The following MMUT variants were observed in gnomAD, a reference collection of about 807,000 sequenced individuals.
MMUT encodes the protein methylmalonyl-CoA mutase, mitochondrial.
In MMUT, 79 loss-of-function variants were observed where a neutral mutation model predicts 79.9. The ratio of observed to expected loss-of-function variants is 0.99; its 90% CI spans 0.82 to 1.19. The LOEUF (loss-of-function observed/expected upper bound fraction) is 1.19. Ranked by LOEUF, MMUT falls within the 50% of genes most tolerant of loss-of-function variation. MMUT has a pLI of 0.00. For missense variants in MMUT, 860 were observed against 917.2 expected, an observed-to-expected ratio of 0.94 and a Z score of 0.81; for synonymous variants, 273 against 295.7, an observed-to-expected ratio of 0.92 and a Z score of 0.79.
intron 10 of MMUT, 149 bp from the exon 11 acceptor site, chr6:49,440,502 AT>A: frequency 1.2e-6 from 1 of 848,364 alleles, no homozygotes; most frequent in Non-Finnish European, 1.8e-6. Flanking sequence ...TTTTTTTCCA[AT>A]TTTTATTTTA....
At chr6:49,452,354 A>C (rs1188813771) in intron 5 of MMUT, among the ~76,000 whole-genome samples, 1 of 152,038 alleles carries the variant, frequency 6.6e-6, no homozygotes, top group Non-Finnish European at 1.5e-5. Flanking sequence ...TTATTTTGAG[A>C]CGGAGTCTCG....
In MMUT at chr6:49,459,062, G is replaced by A. The variant is rs542466439; in HGVS notation, c.385+20C>T. 5.1e-5 allele frequency: 82 copies of A among 1,610,518 alleles called. 1 individual carries two copies. In the South Asian group the frequency reaches 7.8e-4, roughly 15 times the overall value. ...GCATATGACTTATCATAAATATTAT[G>A]TCTTACATTAAAATCTCACCCTTAA... On this transcript the variant is annotated intron_variant, in intron 2 of 12. Transcript: ENST00000274813.
At position 49,444,656 on chromosome 6, in the gene MMUT, C is replaced by A; in HGVS notation, c.1659G>T (p.Val553=). ...ATCTTCACCTTGCCCGAGATGCATC[C>A]ACTGCAAGAGCCAGGATATTTCCAT... The part of the protein sequence containing the change: ...SGDGNILALA[V]DASRARCTVG... Residue 553 remains valine, a synonymous_variant, in exon 9 of 13, where the codon GTG becomes GTT. Transcript: ENST00000274813. 1 of 1,613,070 alleles carries A rather than the reference C, an allele frequency of 6.2e-7. No individual in the cohort carries two copies. The highest frequency in any genetic ancestry group is 8.5e-7 in the Non-Finnish European group (1 of 1,179,250).
intron 5 of MMUT, among the ~76,000 whole-genome samples, chr6:49,453,380 C>T (rs745351484): frequency 6.6e-6 from 1 of 151,830 alleles, no homozygotes; most frequent in African/African-American, 2.4e-5. Context: ...TATTGTTAAC[C>T]ACCAGAGGGA....
intron 8 of MMUT, among the ~76,000 whole-genome samples, chr6:49,445,576 G>A (rs9381788): frequency 0.59 from 89,308 of 151,774 alleles, 26,629 homozygotes; most frequent in South Asian, 0.65. Context: ...ATGATGTAGT[G>A]TTTGCATATA....
intron 1 of MMUT, among the ~76,000 whole-genome samples, chr6:49,460,613 C>A (rs1490430792): frequency 6.6e-6 from 1 of 152,174 alleles, no homozygotes; most frequent in Non-Finnish European, 1.5e-5. Context: ...AAACTGTTTA[C>A]CTGAATTACT....
chr6:49,442,160 T>C (rs1767293889), intron 9 of MMUT, among the ~76,000 whole-genome samples, 189 bp from the exon 10 acceptor site: 1 of 152,138 alleles, frequency 6.6e-6, no homozygotes, highest in Non-Finnish European at 1.5e-5. Context: ...TTATTCTGGA[T>C]GCCTTTATGC....
At chr6:49,460,904 G>A (rs1459792930) in intron 1 of MMUT, among the ~76,000 whole-genome samples, 1 of 152,164 alleles carries the variant, frequency 6.6e-6, no homozygotes, top group Non-Finnish European at 1.5e-5. Flanking sequence ...AAAGTAAATT[G>A]TCAATATACA....
At chr6:49,447,378 A>G (rs551536731) in intron 8 of MMUT, among the ~76,000 whole-genome samples, 1 of 151,958 alleles carries the variant, frequency 6.6e-6, no homozygotes, top group South Asian at 2.1e-4. Flanking sequence ...GGAAGGTATT[A>G]TTATTGTAGT....
chr6:49,436,403 C>T (rs185340375), intron 11 of MMUT, among the ~76,000 whole-genome samples: 7 of 151,880 alleles, frequency 4.6e-5, no homozygotes, highest in East Asian at 3.9e-4. Context: ...GTCATGAGTT[C>T]GAGACCAGCC....
intron 1 of MMUT, among the ~76,000 whole-genome samples, 164 bp downstream of exon 1, chr6:49,462,939 C>T (rs1312200531): frequency 1.3e-5 from 2 of 152,168 alleles, no homozygotes; most frequent in Non-Finnish European, 2.9e-5. Context: ...AAATCTAAAC[C>T]TAAGGAGAAG....
At chr6:49,460,415 T>C (rs1767810378) in intron 1 of MMUT, among the ~76,000 whole-genome samples, 1 of 152,214 alleles carries the variant, frequency 6.6e-6, no homozygotes, top group Admixed American at 6.5e-5. Context: ...GTGAGCTAAA[T>C]GGCCTCTTCA....
chr6:49,435,762 T>A, intron 11 of MMUT, 139 bp from the exon 12 acceptor site: 1 of 907,618 alleles, frequency 1.1e-6, no homozygotes, highest in Non-Finnish European at 1.6e-6. Flanking sequence ...CAAAAGCAAT[T>A]ACAACAAAAG....
In MMUT at chr6:49,441,970, A is replaced by C; in HGVS notation, c.1678T>G (p.Cys560Gly). 1 of 1,609,222 alleles carries C rather than the reference A, an allele frequency of 6.2e-7. No homozygotes were observed. The highest frequency in any genetic ancestry group is 8.5e-7 in the Non-Finnish European group (1 of 1,176,158). ...GCATCTGTGATTTCTCCCACTGTAC[A>C]TCTGAAACATGAAATGGTGGTTCCA... Reference protein sequence around the residue: ...ALAVDASRARCTVGEITDALK... With the variant: ...ALAVDASRARGTVGEITDALK... The change falls in exon 10 of 13, where the codon TGT becomes GGT. Residue 560 changes from cysteine (C) to glycine (G), a missense_variant and splice_region_variant. Transcript: ENST00000274813.
chr6:49,441,276 A>C (rs567353268), intron 10 of MMUT, among the ~76,000 whole-genome samples: 3 of 152,268 alleles, frequency 2.0e-5, no homozygotes, highest in Admixed American at 6.5e-5. Context: ...TTCAATAAAT[A>C]CTGATTGTAA....
At chr6:49,439,243 A>G (rs751716131) in intron 11 of MMUT, among the ~76,000 whole-genome samples, 25 of 152,292 alleles carry the variant, frequency 1.6e-4, no homozygotes, top group South Asian at 4.1e-4. Flanking sequence ...TGGTGACTTG[A>G]TGACCCATAG....
chr6:49,457,600 A>G, intron 3 of MMUT, 91 bp downstream of exon 3: 1 of 1,111,720 alleles, frequency 9.0e-7, no homozygotes. Context: ...TATATTACTC[A>G]GACTAAATTT....
At chr6:49,459,048 A>G in intron 2 of MMUT, 34 bp downstream of exon 2, 1 of 1,603,354 alleles carries the variant, frequency 6.2e-7, no homozygotes, top group African/African-American at 1.3e-5. Context: ...CATATGACTT[A>G]TCATAAATAT....
intron 9 of MMUT, among the ~76,000 whole-genome samples, chr6:49,443,202 T>G (rs1366798460): frequency 6.6e-6 from 1 of 152,162 alleles, no homozygotes; most frequent in South Asian, 2.1e-4. Context: ...GATGTCTGTA[T>G]AGTGAATCGC....
Sources: allele counts gnomAD v4.1 joint callset (sites outside exome capture counted in the v4.1 genomes callset), GRCh38; gene constraint gnomAD v4.1.1; transcripts MANE v1.5; gene names NCBI Gene and HGNC (gene_info 2026-07-23, HGNC 2026-07-21).